PCDHA4: variants seen among roughly 807,000 people sequenced by gnomAD.
PCDHA4 encodes the protein protocadherin alpha-4.
In PCDHA4, 49 loss-of-function variants were observed where a neutral mutation model predicts 61.4. That is an observed-to-expected ratio of 0.80 (90% CI 0.63 to 1.01). The LOEUF (loss-of-function observed/expected upper bound fraction) is 1.01. PCDHA4 is among the 50% of genes least tolerant of loss of function. The pLI, the probability that PCDHA4 is intolerant of heterozygous loss-of-function variation, is 0.00. For missense variants in PCDHA4, 1,254 were observed against 1,235.8 expected, an observed-to-expected ratio of 1.01 and a Z score of -0.22; for synonymous variants, 590 against 550.3, an observed-to-expected ratio of 1.07 and a Z score of -1.01.
chr5:140,881,491 C>A (rs1476916826), intron 1 of PCDHA4: 2 of 285,934 alleles, frequency 7.0e-6, no homozygotes, highest in Non-Finnish European at 1.1e-5. Flanking sequence ...TGTGTTTATG[C>A]ACATACACAC....
At chr5:140,821,916 C>A (rs1554128319) in intron 1 of PCDHA4, 1 of 1,614,106 alleles carries the variant, frequency 6.2e-7, no homozygotes, top group East Asian at 2.2e-5. Context: ...TTGGCCGCAT[C>A]GCGCAGGACC....
At position 140,885,285 on chromosome 5, in the gene PCDHA4, T is replaced by G. The variant is rs146462007; in HGVS notation, c.2385+75713T>G. On this transcript the variant is annotated intron_variant, in intron 1 of 3. Transcript: ENST00000530339. ...ACTCATACATATATATATACATATA[T>G]AGAGAGAGACCTGGTAGGCTTTTTG... 7.5e-4 allele frequency among the ~76,000 whole-genome samples: 114 copies of G among 152,298 alleles called. No individual in the cohort carries two copies. In the East Asian group the frequency reaches 9.8e-3, roughly 13 times the overall value.
intron 1 of PCDHA4, among the ~76,000 whole-genome samples, chr5:140,906,524 G>A (rs1401305370): frequency 2.0e-5 from 3 of 152,156 alleles, no homozygotes; most frequent in Non-Finnish European, 2.9e-5. Context: ...AAATACTCAC[G>A]ACAATTAAAA....
chr5:140,957,257 T>C (rs2095345219), intron 1 of PCDHA4, among the ~76,000 whole-genome samples: 1 of 152,184 alleles, frequency 6.6e-6, no homozygotes, highest in Admixed American at 6.5e-5. Context: ...AATTTAAATA[T>C]GTAAGCACTA....
At position 141,009,762 on chromosome 5, in the gene PCDHA4, C is replaced by G. The variant is rs2154001658; in HGVS notation, c.2669C>G (p.Ser890Cys). Reference sequence around the variant, plus strand: ...CCCGACAAATTCATTATCCCAGGATCTCCTGCAATCATCTCCATCCGGCAG... The same window carrying G: ...CCCGACAAATTCATTATCCCAGGATGTCCTGCAATCATCTCCATCCGGCAG... Reference protein sequence around the residue: ...ELPDKFIIPGSPAIISIRQEP... With the variant: ...ELPDKFIIPGCPAIISIRQEP... The change falls in exon 4 of 4, where the codon TCT becomes TGT. Residue 890 changes from serine (S) to cysteine (C), a missense_variant. Coordinates refer to ENST00000530339, the MANE Select transcript of PCDHA4 (RefSeq NM_018907.4). 5 of 1,614,180 alleles carry G rather than the reference C, an allele frequency of 3.1e-6. No homozygotes were observed. In the East Asian group the frequency reaches 1.1e-4, roughly 36 times the overall value.
chr5:140,934,523 C>T (rs782685676), intron 1 of PCDHA4, among the ~76,000 whole-genome samples: 15 of 152,236 alleles, frequency 9.9e-5, no homozygotes, highest in South Asian at 8.3e-4. Context: ...GACCACACTT[C>T]GAGAGCTACC....
intron 1 of PCDHA4, among the ~76,000 whole-genome samples, chr5:140,924,232 G>T (rs1554201826): frequency 6.6e-6 from 1 of 152,180 alleles, no homozygotes; most frequent in African/African-American, 2.4e-5. Flanking sequence ...ATTTTTATGG[G>T]CTGTTTTGCA....
intron 1 of PCDHA4, chr5:140,875,939 G>A (rs2055971750): frequency 6.2e-7 from 1 of 1,614,158 alleles, no homozygotes; most frequent in Non-Finnish European, 8.5e-7. Flanking sequence ...CCTCTAGAGG[G>A]CGCTTCTGAT....
Position 140,850,710 on chromosome 5 carries a change from C to G in PCDHA4, c.2385+41138C>G, listed in dbSNP as rs2150495455. ...CGAGTGCGCGCCTGGCAAGCCGACG[C>G]TGGTGTGTTCTAGCGCGGTGGGGAG... On this transcript the variant is annotated intron_variant, in intron 1 of 3. Coordinates refer to ENST00000530339, the MANE Select transcript of PCDHA4 (RefSeq NM_018907.4). 14 of 1,598,036 alleles carry G rather than the reference C, an allele frequency of 8.8e-6. 1 individual carries two copies. Among genetic ancestry groups the G allele is most frequent in the Non-Finnish European group, 1.2e-5 (14 of 1,167,676 alleles).
chr5:140,809,815 A>C (rs958539155), intron 1 of PCDHA4: 32 of 409,850 alleles, frequency 7.8e-5, no homozygotes, highest in Non-Finnish European at 1.3e-5. Context: ...AATTTTCACT[A>C]TATTCACCCT....
chr5:140,862,949 C>G lies in PCDHA4; in HGVS notation c.2385+53377C>G, dbSNP rs541015740. The G allele has an allele frequency of 9.9e-5, 54 of 542,878 alleles. 1 individual carries two copies. The highest frequency in any genetic ancestry group is 8.3e-4 in the African/African-American group (44 of 52,750). 33.6% of individuals were successfully genotyped at this position (542,878 alleles called of 1,614,324 possible). A position where few individuals can be genotyped will look rare whatever the true frequency, so the allele number is the denominator to read the frequency against. ...TGGCGGCGCTGTGAGTGAGCTGGTG[C>G]GGTATTCAGTGGATGCAGGCCACTT... On this transcript the variant is annotated intron_variant, in intron 1 of 3. Coordinates refer to ENST00000530339, the MANE Select transcript of PCDHA4 (RefSeq NM_018907.4).
chr5:140,907,558 A>G (rs2073449629), intron 1 of PCDHA4, among the ~76,000 whole-genome samples: 1 of 152,186 alleles, frequency 6.6e-6, no homozygotes, highest in Non-Finnish European at 1.5e-5. Flanking sequence ...GGTCCAATAT[A>G]ATCAACTTGC....
At chr5:140,882,016 A>T in intron 1 of PCDHA4, 1 of 543,846 alleles carries the variant, frequency 1.8e-6, no homozygotes, top group Non-Finnish European at 3.0e-6. Context: ...AAAAAATACT[A>T]CATCAATGGA....
chr5:140,968,317 A>G (rs144335538), intron 1 of PCDHA4: 1 of 1,613,890 alleles, frequency 6.2e-7, no homozygotes, highest in African/African-American at 1.3e-5. Context: ...AAGGGCTGCC[A>G]GTCACCTCCT....
intron 1 of PCDHA4, among the ~76,000 whole-genome samples, chr5:140,946,255 A>C (rs1554217419): frequency 6.6e-6 from 1 of 152,084 alleles, no homozygotes; most frequent in Non-Finnish European, 1.5e-5. Context: ...GAATCATCAG[A>C]AAAATGCGAA....
intron 1 of PCDHA4, among the ~76,000 whole-genome samples, chr5:140,902,641 G>T (rs2069615645): frequency 6.6e-6 from 1 of 152,080 alleles, no homozygotes; most frequent in Non-Finnish European, 1.5e-5. Context: ...TGATTTCTGA[G>T]ATTTTGGTGC....
intron 1 of PCDHA4, chr5:140,834,420 C>T: frequency 6.2e-7 from 1 of 1,612,394 alleles, no homozygotes; most frequent in East Asian, 2.2e-5. Context: ...AGGGGGCCGA[C>T]ATCTACTGCT....
chr5:140,876,261 A>G (rs2056242888), intron 1 of PCDHA4: 9 of 1,613,942 alleles, frequency 5.6e-6, no homozygotes, highest in Non-Finnish European at 7.6e-6. Context: ...GAGTGATCCA[A>G]CTAAATGCTT....
intron 1 of PCDHA4, chr5:140,836,445 G>A: frequency 3.1e-6 from 5 of 1,613,836 alleles, no homozygotes; most frequent in Non-Finnish European, 4.2e-6. Flanking sequence ...GGGCATTGCA[G>A]GCCCAGAGAC....
Sources: gnomAD v4.1 joint callset for allele counts (sites outside exome capture counted in the v4.1 genomes callset) on GRCh38, gnomAD v4.1.1 for gene constraint, MANE v1.5 for transcripts, NCBI Gene and HGNC (gene_info 2026-07-23, HGNC 2026-07-21) for gene names.